The following OLFM3 variants were observed in gnomAD, a reference collection of about 807,000 sequenced individuals.
OLFM3 encodes the protein olfactomedin 3.
Under a neutral mutation model 48.6 loss-of-function variants are expected in OLFM3, and 20 were observed. That is an observed-to-expected ratio of 0.41 (90% CI 0.29 to 0.60). The LOEUF is 0.60. Among genes scored for constraint, OLFM3 ranks in the 20% least tolerant of loss-of-function variants. The pLI, the probability that OLFM3 is intolerant of heterozygous loss-of-function variation, is 0.28. For missense variants in OLFM3, 437 were observed against 544.3 expected (o/e 0.80, Z 1.96); for synonymous variants, 222 against 198.1 (o/e 1.12, Z -1.01).
At chr1:101,832,970 T>A (rs907676251) in intron 2 of OLFM3, among the ~76,000 whole-genome samples, 23 of 152,194 alleles carry the variant, frequency 1.5e-4, no homozygotes, top group African/African-American at 5.3e-4. Context: ...GTTAAACATG[T>A]ATAAGGAAAA....
intron 1 of OLFM3, among the ~76,000 whole-genome samples, chr1:101,977,742 C>G (rs1660993534): frequency 6.6e-6 from 1 of 151,878 alleles, no homozygotes; most frequent in African/African-American, 2.4e-5. Context: ...AAGATTTATT[C>G]CATCAAATAT....
Position 101,937,572 on chromosome 1 carries a change from A to G in OLFM3, c.69+59176T>C, listed in dbSNP as rs1415580059. ...AGGAGTTTCTCTGCACAAGCTCTCT[A>G]TTTGTCTGCTGCCATGCATGTAAGA... On this transcript the variant is annotated intron_variant, in intron 1 of 5. Coordinates refer to ENST00000370103, the MANE Select transcript of OLFM3 (RefSeq NM_058170.4). Among the ~76,000 whole-genome samples the G allele has an allele frequency of 2.6e-5, 4 of 151,968 alleles. No individual in the cohort carries two copies. The East Asian group carries it at 7.7e-4, about 29-fold the overall frequency.
rs978508804 is a variant in OLFM3, at chr1:101,957,545, T to C, written c.69+39203A>G. Among the ~76,000 whole-genome samples, 51 of 152,050 alleles carry C rather than the reference T, an allele frequency of 3.4e-4. 1 individual carries two copies. The highest frequency in any genetic ancestry group is 2.0e-4 in the Admixed American group (3 of 15,250). On this transcript the variant is annotated intron_variant, in intron 1 of 5. Coordinates refer to ENST00000370103, the MANE Select transcript of OLFM3 (RefSeq NM_058170.4). ...AAAACATCACCTAAAAATCTAAATG[T>C]TGCTAATTTCATAGCCAAATGTGAC...
intron 1 of OLFM3, among the ~76,000 whole-genome samples, chr1:101,906,454 C>T (rs1045423293): frequency 1.3e-5 from 2 of 152,052 alleles, no homozygotes; most frequent in African/African-American, 4.8e-5. Context: ...TTAATGCCCT[C>T]ATTGTACATG....
chr1:101,810,957 A>C (rs1183292382), intron 4 of OLFM3, among the ~76,000 whole-genome samples: 1 of 151,840 alleles, frequency 6.6e-6, no homozygotes, highest in Non-Finnish European at 1.5e-5. Flanking sequence ...AAAGTAGTTA[A>C]ATGATTACAA....
intron 1 of OLFM3, among the ~76,000 whole-genome samples, chr1:101,907,052 TA>T (rs1173962960): frequency 6.6e-6 from 1 of 152,136 alleles, no homozygotes; most frequent in African/African-American, 2.4e-5. Context: ...TCTGTGACAA[TA>T]AAAAAAGATT....
chr1:101,940,385 C>T, intron 1 of OLFM3, among the ~76,000 whole-genome samples: 1 of 144,790 alleles, frequency 6.9e-6, no homozygotes. Flanking sequence ...CTTCTCACAT[C>T]CCTCTCTTTT....
At chr1:101,822,547 C>G (rs1360478072) in intron 4 of OLFM3, among the ~76,000 whole-genome samples, 4 of 152,070 alleles carry the variant, frequency 2.6e-5, no homozygotes, top group Non-Finnish European at 4.4e-5. Flanking sequence ...AAAAGCAAGT[C>G]AAAGCCCTAC....
intron 1 of OLFM3, among the ~76,000 whole-genome samples, chr1:101,979,562 A>G (rs1310644675): frequency 6.6e-6 from 1 of 152,140 alleles, no homozygotes. Context: ...TTTGCCTTCC[A>G]CCATGACTGT....
intron 2 of OLFM3, among the ~76,000 whole-genome samples, chr1:101,834,059 A>G (rs1655288639): frequency 6.6e-6 from 1 of 152,234 alleles, no homozygotes; most frequent in East Asian, 1.9e-4. Context: ...GCATACTAAG[A>G]CCTGAAATAC....
intron 1 of OLFM3, among the ~76,000 whole-genome samples, chr1:101,916,577 C>A (rs1380763849): frequency 1.3e-5 from 2 of 152,140 alleles, no homozygotes; most frequent in East Asian, 3.9e-4. Context: ...AGGAAGAATA[C>A]AATTAGAGCA....
chr1:101,839,429 G>A (rs1655598747), intron 1 of OLFM3, among the ~76,000 whole-genome samples: 2 of 152,316 alleles, frequency 1.3e-5, no homozygotes, highest in South Asian at 4.1e-4. Context: ...TTAGGTTCAA[G>A]TTGAGTAACA....
At chr1:101,971,225 T>A (rs1207170009) in intron 1 of OLFM3, among the ~76,000 whole-genome samples, 1 of 152,166 alleles carries the variant, frequency 6.6e-6, no homozygotes, top group Non-Finnish European at 1.5e-5. Flanking sequence ...AGAGCAGTAA[T>A]GAAAGAATTG....
chr1:101,851,303 A>G (rs1293654327), intron 1 of OLFM3, among the ~76,000 whole-genome samples: 1 of 152,194 alleles, frequency 6.6e-6, no homozygotes, highest in Non-Finnish European at 1.5e-5. Context: ...TAAAATGAAG[A>G]TAGAAGCACC....
In OLFM3 at chr1:101,940,380, C is replaced by T. The variant is rs571143637; in HGVS notation, c.69+56368G>A. On this transcript the variant is annotated intron_variant, in intron 1 of 5. Transcript: ENST00000370103. Reference sequence around the variant, plus strand: ...TTTGGCTCTGCATTCAGGTTCTTCTCACATCCCTCTCTTTTTGAGCTTTGA... The same window carrying T: ...TTTGGCTCTGCATTCAGGTTCTTCTTACATCCCTCTCTTTTTGAGCTTTGA... Among the ~76,000 whole-genome samples the T allele has an allele frequency of 1.3e-4, 19 of 143,002 alleles. 2 individuals are homozygous for T. The South Asian group carries it at 4.1e-3, about 31-fold the overall frequency. 93.8% of individuals were successfully genotyped at this position (143,002 alleles called of 152,430 possible).
chr1:101,813,115 T>G, intron 4 of OLFM3: 8 of 1,290,096 alleles, frequency 6.2e-6, no homozygotes, highest in Non-Finnish European at 8.1e-6. Flanking sequence ...TCTGTTGCCT[T>G]TTTTCTTCTT....
At chr1:101,867,737 C>T (rs74107963) in intron 1 of OLFM3, among the ~76,000 whole-genome samples, 17,637 of 152,136 alleles carry the variant, frequency 0.12, 1,121 homozygotes, top group African/African-American at 0.13. Context: ...ATGTCTATAA[C>T]AGGAACAAAT....
chr1:101,921,903 C>T (rs1048146382), intron 1 of OLFM3, among the ~76,000 whole-genome samples: 1 of 151,962 alleles, frequency 6.6e-6, no homozygotes. Flanking sequence ...ACCAAAAATA[C>T]AAAAAATTAG....
chr1:101,872,633 G>A (rs989418138), intron 1 of OLFM3, among the ~76,000 whole-genome samples: 1 of 151,970 alleles, frequency 6.6e-6, no homozygotes, highest in African/African-American at 2.4e-5. Flanking sequence ...CATTTCCTCA[G>A]AAGTTAGACT....
Sources: gnomAD v4.1 joint callset for allele counts (sites outside exome capture counted in the v4.1 genomes callset) on GRCh38, gnomAD v4.1.1 for gene constraint, MANE v1.5 for transcripts, NCBI Gene and HGNC (gene_info 2026-07-23, HGNC 2026-07-21) for gene names.